ZNG1E: variants seen among roughly 807,000 people sequenced by gnomAD.
ZNG1E encodes the protein Zn regulated GTPase metalloprotein activator 1E.
chr9:65,710,535 G>A, the ZNG1E span, among the ~76,000 whole-genome samples: 2 of 152,044 alleles, frequency 1.3e-5, no homozygotes, highest in Admixed American at 6.5e-5. Flanking sequence ...TTTTGTATAA[G>A]GTGTAAGGAA....
chr9:65,674,826 CAA>C, the ZNG1E span, among the ~76,000 whole-genome samples: 4 of 144,798 alleles, frequency 2.8e-5, no homozygotes, highest in Middle Eastern at 3.5e-3. Context: ...CACAGACACT[CAA>C]GAGGAAGTTG....
At chr9:65,654,082 CAT>C in the ZNG1E span, among the ~76,000 whole-genome samples, 12 of 151,272 alleles carry the variant, frequency 7.9e-5, no homozygotes, top group South Asian at 2.1e-4. Context: ...ATAATCCCCA[CAT>C]GTTACCCAGT....
chr9:65,727,333 C>CA, the ZNG1E span, among the ~76,000 whole-genome samples: 2 of 148,178 alleles, frequency 1.3e-5, no homozygotes, highest in African/African-American at 5.2e-5. Context: ...AGAAAAACAA[C>CA]AAAAACCAAA....
chr9:65,673,844 G>C, the ZNG1E span, among the ~76,000 whole-genome samples: 2 of 152,296 alleles, frequency 1.3e-5, no homozygotes, highest in African/African-American at 4.8e-5. Flanking sequence ...CATTCAGCCA[G>C]TGCCATATTG....
chr9:65,694,154 A>C, the ZNG1E span, among the ~76,000 whole-genome samples: 98 of 141,832 alleles, frequency 6.9e-4, no homozygotes, highest in Admixed American at 1.6e-3. Flanking sequence ...ATATTTCTTG[A>C]AAAATGCTTA....
chr9:65,691,553 C>G, the ZNG1E span, among the ~76,000 whole-genome samples: 1 of 152,234 alleles, frequency 6.6e-6, no homozygotes, highest in Admixed American at 6.5e-5. Context: ...CACTCAACTT[C>G]CAATTTAGTG....
chr9:65,691,310 T>G, the ZNG1E span, among the ~76,000 whole-genome samples: 1 of 150,504 alleles, frequency 6.6e-6, no homozygotes, highest in Non-Finnish European at 1.5e-5. Flanking sequence ...CTTGAACCCC[T>G]GACTTCAGGT....
At chr9:65,677,584 C>T in the ZNG1E span, among the ~76,000 whole-genome samples, 5 of 152,384 alleles carry the variant, frequency 3.3e-5, no homozygotes, top group Admixed American at 2.6e-4. Context: ...CCAAAAGCCT[C>T]CTGACTAATC....
At chr9:65,676,594 C>T in the ZNG1E span, among the ~76,000 whole-genome samples, 1 of 151,208 alleles carries the variant, frequency 6.6e-6, no homozygotes, top group East Asian at 1.9e-4. Context: ...CCCCAGGAGC[C>T]AAAGTCCTCC....
the ZNG1E span, among the ~76,000 whole-genome samples, chr9:65,702,286 T>G: frequency 1.3e-5 from 2 of 151,932 alleles, no homozygotes; most frequent in Admixed American, 1.3e-4. Flanking sequence ...TGATAGAGAA[T>G]TGATGATTGA....
chr9:65,665,485 A>G, the ZNG1E span, among the ~76,000 whole-genome samples: 1 of 152,362 alleles, frequency 6.6e-6, no homozygotes, highest in East Asian at 1.9e-4. Flanking sequence ...CAGAAGATGT[A>G]GAAGTTTGCT....
chr9:65,683,424 TAC>T, the ZNG1E span: 1 of 149,896 alleles, frequency 6.7e-6, no homozygotes, highest in South Asian at 2.1e-4. Flanking sequence ...TATGGAAAGC[TAC>T]ACAGAGTCAA....
chr9:65,655,390 T>TA, the ZNG1E span, among the ~76,000 whole-genome samples: 1 of 150,762 alleles, frequency 6.6e-6, no homozygotes, highest in Admixed American at 6.6e-5. Flanking sequence ...ACAAATCCTT[T>TA]AACTTTTCAG....
chr9:65,667,555 C>T, the ZNG1E span, among the ~76,000 whole-genome samples: 1 of 152,094 alleles, frequency 6.6e-6, no homozygotes, highest in African/African-American at 2.4e-5. Flanking sequence ...GGCTAATCAA[C>T]ATACTTTCTT....
At chr9:65,660,844 TATA>T in the ZNG1E span, among the ~76,000 whole-genome samples, 1 of 142,918 alleles carries the variant, frequency 7.0e-6, no homozygotes, top group African/African-American at 2.6e-5. Flanking sequence ...TATATATATA[TATA>T]TATATATAAA....
At chr9:65,667,078 C>A in the ZNG1E span, among the ~76,000 whole-genome samples, 1 of 152,270 alleles carries the variant, frequency 6.6e-6, no homozygotes, top group Admixed American at 6.5e-5. Flanking sequence ...GTCTTGGTCT[C>A]CCAAAGTGCT....
At chr9:65,681,269 C>G in the ZNG1E span, among the ~76,000 whole-genome samples, 2 of 151,878 alleles carry the variant, frequency 1.3e-5, no homozygotes, top group African/African-American at 2.4e-5. Flanking sequence ...AAAGTTTACC[C>G]TGGACAAGAA....
At chr9:65,700,071 G>A in the ZNG1E span, among the ~76,000 whole-genome samples, 1 of 148,230 alleles carries the variant, frequency 6.7e-6, no homozygotes. Context: ...AAAGTTAGCG[G>A]ATTAGGAGTA....
chr9:65,690,747 TAAC>T, the ZNG1E span: 3 of 703,066 alleles, frequency 4.3e-6, no homozygotes, highest in Non-Finnish European at 6.9e-6. Flanking sequence ...TTAAAGGAAA[TAAC>T]AAGAGAGATG....
Sources: gnomAD v4.1 joint callset for allele counts (sites outside exome capture counted in the v4.1 genomes callset) on GRCh38, gnomAD v4.1.1 for gene constraint, MANE v1.5 for transcripts, NCBI Gene and HGNC (gene_info 2026-07-23, HGNC 2026-07-21) for gene names.